Variants in GALNT10 observed in about 807,000 individuals in gnomAD.
GALNT10 encodes GalNAc transferase 10.
GALNT10 carries 41 observed loss-of-function variants against 75.0 expected under a neutral mutation model. The ratio of observed to expected loss-of-function variants is 0.55; its 90% CI spans 0.43 to 0.71. GALNT10 has a LOEUF of 0.71. Among genes scored for constraint, GALNT10 ranks in the 30% least tolerant of loss-of-function variants. The probability of loss-of-function intolerance (pLI) is 0.00; values close to 1 mark genes in which losing one functional copy is unlikely to be tolerated. For missense variants in GALNT10, 727 were observed against 818.5 expected (o/e 0.89, Z 1.36); for synonymous variants, 302 against 313.0 (o/e 0.96, Z 0.37).
intron 1 of GALNT10, among the ~76,000 whole-genome samples, chr5:154,200,134 G>T (rs2113641353): frequency 6.6e-6 from 1 of 152,234 alleles, no homozygotes; most frequent in East Asian, 1.9e-4. Context: ...TCAGTGGGAG[G>T]TTATCACTGA....
chr5:154,300,780 A>G (rs1754346091), intron 3 of GALNT10, among the ~76,000 whole-genome samples: 1 of 152,216 alleles, frequency 6.6e-6, no homozygotes, highest in Non-Finnish European at 1.5e-5. Context: ...TGAGAAGATC[A>G]ATAATAGGGT....
rs541940459 is a variant in GALNT10 at position 154,412,419 on chromosome 5, T to C, written c.1387-470T>C. 9.3e-5 allele frequency: 15 copies of C among 161,462 alleles called. No individual in the cohort carries two copies. In the South Asian group the frequency reaches 1.2e-3, roughly 13 times the overall value. The allele number at this position is 161,462 out of a possible 1,614,324, so 10.0% of individuals were successfully genotyped here. A position where few individuals can be genotyped will look rare whatever the true frequency, so the allele number is the denominator to read the frequency against. ...GGGGGTGAGGGGGCCTCCTGCCACCTCTTGCCATTCACCTGTCCTAAGGGA... is the reference window on the plus strand; with the variant it reads ...GGGGGTGAGGGGGCCTCCTGCCACCCCTTGCCATTCACCTGTCCTAAGGGA... On this transcript the variant is annotated intron_variant, in intron 9 of 11. Transcript: ENST00000297107. This position sits in a 1 kb window ranked among gnomAD's most constrained non-coding sequence, Gnocchi z 4.2.
intron 1 of GALNT10, among the ~76,000 whole-genome samples, chr5:154,196,522 C>G (rs982341044): frequency 2.0e-5 from 3 of 152,224 alleles, no homozygotes; most frequent in African/African-American, 4.8e-5. Flanking sequence ...CTCCTTTCCT[C>G]TGGTTTCTGT....
chr5:154,294,494 T>C (rs1291504386), intron 1 of GALNT10, among the ~76,000 whole-genome samples: 1 of 152,252 alleles, frequency 6.6e-6, no homozygotes, highest in African/African-American at 2.4e-5. Flanking sequence ...GTTACACATG[T>C]GGCTCACGTT....
chr5:154,276,036 G>A (rs1581951385), intron 1 of GALNT10, among the ~76,000 whole-genome samples: 1 of 152,176 alleles, frequency 6.6e-6, no homozygotes, highest in East Asian at 1.9e-4. Context: ...TGTTCCTGTT[G>A]CTGTGTAACA....
chr5:154,363,282 G>A (rs1359860443), intron 4 of GALNT10, among the ~76,000 whole-genome samples: 1 of 151,818 alleles, frequency 6.6e-6, no homozygotes, highest in Non-Finnish European at 1.5e-5. Context: ...TGCCATGATG[G>A]TTAAAACATT....
At chr5:154,337,582 C>T in intron 4 of GALNT10, 1 of 797,356 alleles carries the variant, frequency 1.3e-6, no homozygotes. Flanking sequence ...GAGCTTCTGC[C>T]TCTAAAGTTT....
intron 1 of GALNT10, among the ~76,000 whole-genome samples, chr5:154,226,901 GTATTTTC>G (rs1753071467): frequency 6.6e-6 from 1 of 150,508 alleles, no homozygotes; most frequent in African/African-American, 2.5e-5. Context: ...AGATTAGTTT[GTATTTTC>G]TAGAGTTTTA....
intron 6 of GALNT10, among the ~76,000 whole-genome samples, chr5:154,381,373 G>A (rs756862136): frequency 7.2e-5 from 11 of 152,176 alleles, no homozygotes; most frequent in Admixed American, 2.0e-4. Flanking sequence ...CCTCTCTGGT[G>A]CTCCAAGCTC....
At chr5:154,211,790 C>G (rs1775202928) in intron 1 of GALNT10, among the ~76,000 whole-genome samples, 1 of 152,146 alleles carries the variant, frequency 6.6e-6, no homozygotes, top group South Asian at 2.1e-4. Context: ...TTCCTCAACA[C>G]AAGACCTCTT....
chr5:154,360,983 T>A (rs1252600037), intron 4 of GALNT10, among the ~76,000 whole-genome samples: 1 of 152,226 alleles, frequency 6.6e-6, no homozygotes, highest in Non-Finnish European at 1.5e-5. Context: ...AATGCACCCT[T>A]TTAATTGAAA....
rs145718506 is a variant in GALNT10 at position 154,415,836 on chromosome 5, C to G, written c.1557C>G (p.Thr519=). ...TCCGGCCTGGAGACCCCCAGCACAC[C>G]AAGAAGTTCTGCTTTGATGCCATTT... ...EDIRPGDPQH[T]KKFCFDAISH... Residue 519 remains threonine, a synonymous_variant, in exon 11 of 12, where the codon ACC becomes ACG. Transcript: ENST00000297107. 24 of 1,614,116 alleles carry G rather than the reference C, an allele frequency of 1.5e-5. No individual in the cohort carries two copies. Among genetic ancestry groups the G allele is most frequent in the African/African-American group, 5.3e-5 (4 of 75,030 alleles).
At chr5:154,399,414 A>G (rs574166267) in intron 7 of GALNT10, among the ~76,000 whole-genome samples, 2 of 152,278 alleles carry the variant, frequency 1.3e-5, no homozygotes, top group African/African-American at 2.4e-5. Flanking sequence ...GCAAGCCAGG[A>G]GCATGACGGC....
chr5:154,401,468 A>G (rs1756160905), intron 7 of GALNT10, among the ~76,000 whole-genome samples: 1 of 152,228 alleles, frequency 6.6e-6, no homozygotes. Flanking sequence ...CTTTGTATAA[A>G]GGAAGAGTTA....
intron 1 of GALNT10, among the ~76,000 whole-genome samples, chr5:154,208,127 T>C (rs537887266): frequency 3.8e-4 from 58 of 152,342 alleles, no homozygotes; most frequent in African/African-American, 1.4e-3. Flanking sequence ...TCATTCAATA[T>C]GTCATTTATC....
At chr5:154,275,473 C>T (rs550611928) in intron 1 of GALNT10, among the ~76,000 whole-genome samples, 1 of 152,366 alleles carries the variant, frequency 6.6e-6, no homozygotes, top group Non-Finnish European at 1.5e-5. Context: ...ACAAGCTGCA[C>T]ACTTGTTTCA....
chr5:154,271,585 T>G (rs1753866863), intron 1 of GALNT10, among the ~76,000 whole-genome samples: 2 of 152,348 alleles, frequency 1.3e-5, no homozygotes, highest in South Asian at 4.1e-4. Context: ...TGTCTGTCCT[T>G]CTCATTATGT....
At chr5:154,315,446 G>C (rs1754582400) in intron 3 of GALNT10, among the ~76,000 whole-genome samples, 1 of 152,238 alleles carries the variant, frequency 6.6e-6, no homozygotes, top group South Asian at 2.1e-4. Context: ...GATCTCCTCA[G>C]CACCAGGAAT....
chr5:154,226,133 T>TA (rs909951371), intron 1 of GALNT10, among the ~76,000 whole-genome samples: 16 of 149,018 alleles, frequency 1.1e-4, no homozygotes, highest in African/African-American at 3.0e-4. Flanking sequence ...TAAAGTATAA[T>TA]AAAAAAAGGA....
Sources: gnomAD v4.1 joint callset for allele counts (sites outside exome capture counted in the v4.1 genomes callset) on GRCh38, gnomAD v4.1.1 for gene constraint, Gnocchi (gnomAD v3.1) non-coding constraint, MANE v1.5 for transcripts, NCBI Gene and HGNC (gene_info 2026-07-23, HGNC 2026-07-21) for gene names.